Variants in HSPA9 observed in about 807,000 individuals in gnomAD.
The protein encoded by HSPA9 is stress-70 protein, mitochondrial.
HSPA9 carries 28 observed loss-of-function variants against 81.5 expected under a neutral mutation model. That is an observed-to-expected ratio of 0.34 (90% CI 0.25 to 0.47). HSPA9 has a LOEUF of 0.47. HSPA9 is among the 20% of genes least tolerant of loss of function. The pLI, the probability that HSPA9 is intolerant of heterozygous loss-of-function variation, is 1.00. For missense variants in HSPA9, 678 were observed against 838.0 expected (o/e 0.81, Z 2.36); for synonymous variants, 293 against 290.4 (o/e 1.01, Z -0.09).
At chr5:138,563,055 A>G (rs1428031327) in intron 9 of HSPA9, among the ~76,000 whole-genome samples, 1 of 152,254 alleles carries the variant, frequency 6.6e-6, no homozygotes, top group Non-Finnish European at 1.5e-5. Flanking sequence ...ACATTTGAAT[A>G]CTTAATAAAT....
chr5:138,575,175 A>AGCGAAGC (rs1561863498), intron 1 of HSPA9, 63 bp downstream of exon 1: 7 of 1,177,130 alleles, frequency 5.9e-6, no homozygotes, highest in Non-Finnish European at 2.5e-6. Context: ...GGCCTGCCGC[A>AGCGAAGC]GCGAAGCCCG....
In HSPA9 at chr5:138,567,665, T is replaced by G; in HGVS notation, c.593A>C (p.Asn198Thr). ...NAVITVPAYF[N>T]DSQRQATKDA... ...TGACCTCACCTGTCTCTGCGAGTCA[T>G]TGAAATAAGCTGGGACTGTGATCAC... The change falls in exon 6 of 17, where the codon AAT becomes ACT. Residue 198 changes from asparagine (N) to threonine (T), a missense_variant. Asn to Thr is a moderately conservative substitution (Grantham distance 65). Around this residue, in one of 4 missense-constraint regions of HSPA9, gnomAD observed 484 missense variants for 647.5 expected, o/e 0.75. Coordinates refer to ENST00000297185, the MANE Select transcript of HSPA9 (RefSeq NM_004134.7). 6.2e-7 allele frequency: 1 copy of G among 1,613,948 alleles called. No homozygotes were observed. Among genetic ancestry groups the G allele is most frequent in the Non-Finnish European group, 8.5e-7 (1 of 1,179,876 alleles).
chr5:138,569,166 A>C, intron 4 of HSPA9, 117 bp from the exon 5 acceptor site: 2 of 918,658 alleles, frequency 2.2e-6, no homozygotes, highest in Non-Finnish European at 3.5e-6. Context: ...TGGCCAACAA[A>C]TGACAGTTTG....
intron 2 of HSPA9, 94 bp downstream of exon 2, chr5:138,573,974 A>T: frequency 8.0e-7 from 1 of 1,244,810 alleles, no homozygotes; most frequent in Non-Finnish European, 1.2e-6. Context: ...AAATACAGAT[A>T]AATAATTACA....
chr5:138,562,441 C>T (rs1750681902), intron 9 of HSPA9, among the ~76,000 whole-genome samples: 1 of 151,736 alleles, frequency 6.6e-6, no homozygotes, highest in Admixed American at 6.6e-5. Context: ...ATCCCAGCTA[C>T]TTGGGAGGCT....
At chr5:138,567,898 G>T (rs1750798938) in intron 5 of HSPA9, among the ~76,000 whole-genome samples, 176 bp from the exon 6 acceptor site, 1 of 152,178 alleles carries the variant, frequency 6.6e-6, no homozygotes, top group Admixed American at 6.5e-5. Flanking sequence ...AAAAACCCAA[G>T]ATCAGGCCGG....
At position 138,555,959 on chromosome 5, in the gene HSPA9, C is replaced by T. The variant is rs534609124; in HGVS notation, c.*78G>A. The T allele has an allele frequency of 9.5e-5, 94 of 984,730 alleles. 1 individual carries two copies. Among genetic ancestry groups the T allele is most frequent in the South Asian group, 9.2e-4 (72 of 78,156 alleles). The allele number at this position is 984,730 out of a possible 1,614,324, so 61.0% of individuals were successfully genotyped here. On this transcript the variant is annotated 3_prime_UTR_variant, in exon 17 of 17. Coordinates refer to ENST00000297185, the MANE Select transcript of HSPA9 (RefSeq NM_004134.7). ...AAAACACAGTAAAAAGACTGAAGTT[C>T]GCCCATTTCTGCTCAGGAAGTCTCT... is the stretch of plus-strand genomic sequence containing the variant.
intron 1 of HSPA9, chr5:138,574,986 A>G: frequency 1.7e-6 from 1 of 587,044 alleles, no homozygotes. Flanking sequence ...GGCCATGAGG[A>G]CCACTACCTG....
In HSPA9 at chr5:138,575,363, C is replaced by T; in HGVS notation, c.-45G>A. On this transcript the variant is annotated 5_prime_UTR_variant, in exon 1 of 17. Transcript: ENST00000297185. Reference sequence around the variant, plus strand: ...ACGAGGCAGCAAACAAGCGCTCCGACGGCAAAGAGCTGCGCGATGCGGTGG... The same window carrying T: ...ACGAGGCAGCAAACAAGCGCTCCGATGGCAAAGAGCTGCGCGATGCGGTGG... 2 of 1,489,472 alleles carry T rather than the reference C, an allele frequency of 1.3e-6. No individual in the cohort carries two copies. The highest frequency in any genetic ancestry group is 1.9e-6 in the Non-Finnish European group (2 of 1,071,512). The allele number at this position is 1,489,472 out of a possible 1,614,324, so 92.3% of individuals were successfully genotyped here. A position where few individuals can be genotyped will look rare whatever the true frequency, so the allele number is the denominator to read the frequency against.
chr5:138,568,920 C>T lies in HSPA9; in HGVS notation c.535+5G>A. 1 of 1,613,732 alleles carries T rather than the reference C, an allele frequency of 6.2e-7. No homozygotes were observed. Among genetic ancestry groups the T allele is most frequent in the South Asian group, 1.1e-5 (1 of 91,056 alleles). On this transcript the variant is annotated splice_donor_5th_base_variant and intron_variant, in intron 5 of 16. Transcript: ENST00000297185. ...CTTTCCCAGATGTGAACTAAACCCA[C>T]TCACCTGCAGTCTCTTTCATCTTCA...
At chr5:138,569,150 C>A in intron 4 of HSPA9, 101 bp from the exon 5 acceptor site, 1 of 1,056,514 alleles carries the variant, frequency 9.5e-7, no homozygotes, top group South Asian at 1.3e-5. Flanking sequence ...CCAAGAGACT[C>A]ATTCATGGCC....
Position 138,575,259 on chromosome 5 carries a change from G to C in HSPA9, c.60C>G (p.Gly20=). The C allele has an allele frequency of 2.5e-6, 4 of 1,609,156 alleles. No individual in the cohort carries two copies. The highest frequency in any genetic ancestry group is 4.5e-5 in the East Asian group (2 of 44,690). The change falls in exon 1 of 17, where the codon GGC becomes GGG. Residue 20 remains glycine (G), a synonymous_variant. Coordinates refer to ENST00000297185, the MANE Select transcript of HSPA9 (RefSeq NM_004134.7). Reference sequence around the variant, plus strand: ...TCACCTGGTGGCGGGCGGCCGTAGGGCCCCGGGAGGCTGCGGCGCCCACGA... The same window carrying C: ...TCACCTGGTGGCGGGCGGCCGTAGGCCCCCGGGAGGCTGCGGCGCCCACGA... ...ARLVGAAASR[G]PTAARHQDSW...
At chr5:138,569,219 T>A (rs1269660100) in intron 4 of HSPA9, among the ~76,000 whole-genome samples, 170 bp from the exon 5 acceptor site, 1 of 152,102 alleles carries the variant, frequency 6.6e-6, no homozygotes, top group Non-Finnish European at 1.5e-5. Context: ...TTTATGAGAA[T>A]TACAAGGCAA....
At chr5:138,563,546 C>T (rs985805984) in intron 9 of HSPA9, among the ~76,000 whole-genome samples, 1 of 152,188 alleles carries the variant, frequency 6.6e-6, no homozygotes, top group African/African-American at 2.4e-5. Context: ...TACACCCACT[C>T]AGGGTGCCTT....
In HSPA9 at chr5:138,555,491, A is replaced by G. The variant is rs1044742828; in HGVS notation, c.*546T>C. ...TCTAGCCTCATTCCTACCTTGTTTT[A>G]ATAGCTGTACCTAATATAAATAGCT... On this transcript the variant is annotated 3_prime_UTR_variant, in exon 17 of 17. Transcript: ENST00000297185. 1.2e-5 allele frequency: 2 copies of G among 162,618 alleles called. No homozygotes were observed. The highest frequency in any genetic ancestry group is 2.7e-5 in the Non-Finnish European group (2 of 73,842). The allele number at this position is 162,618 out of a possible 1,614,324, so 10.1% of individuals were successfully genotyped here. A position where few individuals can be genotyped will look rare whatever the true frequency, so the allele number is the denominator to read the frequency against.
Position 138,554,224 on chromosome 5 carries a change from T to C in HSPA9, c.*1813A>G, listed in dbSNP as rs1339752439. Among the ~76,000 whole-genome samples, 2 of 152,216 alleles carry C rather than the reference T, an allele frequency of 1.3e-5. No individual in the cohort carries two copies. The highest frequency in any genetic ancestry group is 2.9e-5 in the Non-Finnish European group (2 of 68,044). On this transcript the variant is annotated 3_prime_UTR_variant, in exon 17 of 17. Coordinates refer to ENST00000297185, the MANE Select transcript of HSPA9 (RefSeq NM_004134.7). Reference sequence around the variant, plus strand: ...TCCCTCCTAATAGAACTCAAATATATATTTTGCTTGGGCATTTGGCTCCTC... The same window carrying C: ...TCCCTCCTAATAGAACTCAAATATACATTTTGCTTGGGCATTTGGCTCCTC...
At chr5:138,566,535 T>C (rs1750766546) in intron 9 of HSPA9, 91 bp downstream of exon 9, 1 of 961,794 alleles carries the variant, frequency 1.0e-6, no homozygotes, top group Non-Finnish European at 1.7e-6. Context: ...AAAACTCAAC[T>C]GACATTAGGC....
intron 11 of HSPA9, chr5:138,558,982 C>T (rs1302828887): frequency 3.3e-6 from 1 of 304,264 alleles, no homozygotes; most frequent in Non-Finnish European, 6.4e-6. Flanking sequence ...TGCTCAGTCA[C>T]AGAAAGTCAC....
In HSPA9 at chr5:138,575,381, T is replaced by G. The variant is rs574593949; in HGVS notation, c.-63A>C. 3 of 1,399,130 alleles carry G rather than the reference T, an allele frequency of 2.1e-6. No homozygotes were observed. The Admixed American group carries it at 5.4e-5, about 25-fold the overall frequency. 86.7% of individuals were successfully genotyped at this position (1,399,130 alleles called of 1,614,324 possible). On this transcript the variant is annotated 5_prime_UTR_variant, in exon 1 of 17. Coordinates refer to ENST00000297185, the MANE Select transcript of HSPA9 (RefSeq NM_004134.7). ...GCTCCGACGGCAAAGAGCTGCGCGA[T>G]GCGGTGGCGGCAGCGCTTCTGGAAA...
Sources: gnomAD v4.1 joint callset for allele counts (sites outside exome capture counted in the v4.1 genomes callset) on GRCh38, gnomAD v4.1.1 for gene constraint, gnomAD v4.1.1 regional missense constraint, MANE v1.5 for transcripts, NCBI Gene and HGNC (gene_info 2026-07-23, HGNC 2026-07-21) for gene names.